UBA2: variants seen among roughly 807,000 people sequenced by gnomAD.
UBA2 encodes the protein SUMO-activating enzyme subunit 2.
Under a neutral mutation model 77.2 loss-of-function variants are expected in UBA2, and 11 were observed. That is an observed-to-expected ratio of 0.14 (90% CI 0.09 to 0.24). The LOEUF (loss-of-function observed/expected upper bound fraction) is 0.24, where lower values mean the gene tolerates loss of function less well. Among genes scored for constraint, UBA2 ranks in the 10% least tolerant of loss-of-function variants. The pLI is 1.00. For synonymous variants in UBA2, 278 were observed against 276.7 expected (o/e 1.00, Z -0.05); for missense variants, 487 against 781.7 (o/e 0.62, Z 4.50).
intron 12 of UBA2, among the ~76,000 whole-genome samples, chr19:34,458,558 C>CAAAAAAAAAA (rs60349858): frequency 1.6e-5 from 1 of 60,616 alleles, no homozygotes; most frequent in African/African-American, 7.8e-5. Flanking sequence ...GACTCCGTCT[C>CAAAAAAAAAA]AAAAAAAAAA....
At position 34,460,484 on chromosome 19, in the gene UBA2, A is replaced by G. The variant is rs1399405337; in HGVS notation, c.1416A>G (p.Lys472=). 4 of 1,587,882 alleles carry G rather than the reference A, an allele frequency of 2.5e-6. No individual in the cohort carries two copies. The African/African-American group carries it at 5.5e-5, about 22-fold the overall frequency. ...TTTTTTTGTAGATAGTGAAAGAAAA[A>G]TTTGCTATGGTAGCACCAGATGTCC... ...LTLQDKIVKE[K]FAMVAPDVQI... is the part of the protein sequence containing the mutation. The change falls in exon 14 of 17, where the codon AAA becomes AAG. Residue 472 remains lysine, a synonymous_variant. Coordinates refer to ENST00000246548, the MANE Select transcript of UBA2 (RefSeq NM_005499.3).
chr19:34,450,119 T>C, intron 8 of UBA2, 146 bp from the exon 9 acceptor site: 1 of 548,386 alleles, frequency 1.8e-6, no homozygotes, highest in South Asian at 2.1e-5. Flanking sequence ...CAAATGTTTT[T>C]CCTTTTGAAA....
intron 15 of UBA2, among the ~76,000 whole-genome samples, chr19:34,466,062 G>A (rs907969201): frequency 1.3e-5 from 2 of 152,078 alleles, no homozygotes; most frequent in Admixed American, 1.3e-4. Flanking sequence ...TAGGCCAGGC[G>A]TGACGGCTCA....
intron 12 of UBA2, among the ~76,000 whole-genome samples, chr19:34,456,668 C>T (rs999325301): frequency 2.0e-5 from 3 of 151,960 alleles, no homozygotes; most frequent in African/African-American, 7.3e-5. Flanking sequence ...AGTGATTCTC[C>T]TGCCTCAGCC....
intron 12 of UBA2, among the ~76,000 whole-genome samples, chr19:34,457,499 A>G (rs1013266132): frequency 6.6e-6 from 1 of 152,054 alleles, no homozygotes; most frequent in African/African-American, 2.4e-5. Context: ...CCCTTAGCAC[A>G]CTTACCTTCC....
intron 9 of UBA2, among the ~76,000 whole-genome samples, chr19:34,451,262 GATTA>G (rs1419288088): frequency 6.6e-6 from 1 of 152,088 alleles, no homozygotes; most frequent in Non-Finnish European, 1.5e-5. Context: ...ACTGTATTAG[GATTA>G]ATTTATGCAC....
chr19:34,428,697 G>C (rs958364065), intron 1 of UBA2, 127 bp downstream of exon 1: 2 of 1,198,580 alleles, frequency 1.7e-6, no homozygotes, highest in East Asian at 6.5e-5. Context: ...CGGAGCGGGG[G>C]CAGGCTGAGA....
chr19:34,431,095 A>T (rs118115059), intron 2 of UBA2, among the ~76,000 whole-genome samples: 1 of 151,832 alleles, frequency 6.6e-6, no homozygotes, highest in Non-Finnish European at 1.5e-5. Flanking sequence ...CTGTCTCCCA[A>T]CCTGTTTGGC....
intron 6 of UBA2, among the ~76,000 whole-genome samples, chr19:34,443,413 A>G (rs2075391206): frequency 6.6e-6 from 1 of 151,270 alleles, no homozygotes; most frequent in South Asian, 2.1e-4. Flanking sequence ...TTAAACTTTT[A>G]AGTTTATAGT....
At chr19:34,440,849 C>T (rs2075360892) in intron 6 of UBA2, among the ~76,000 whole-genome samples, 1 of 150,472 alleles carries the variant, frequency 6.6e-6, no homozygotes, top group African/African-American at 2.5e-5. Context: ...TTGCTTGAAC[C>T]CGGGAGGTGG....
chr19:34,457,699 T>A (rs1407107433), intron 12 of UBA2, among the ~76,000 whole-genome samples: 1 of 152,206 alleles, frequency 6.6e-6, no homozygotes, highest in Non-Finnish European at 1.5e-5. Context: ...TCCTTTAGAA[T>A]TCATTCCTCT....
At position 34,469,926 on chromosome 19, in the gene UBA2, A is replaced by G. The variant is rs1054233925; in HGVS notation, c.*705A>G. The G allele has an allele frequency of 3.3e-5, 5 of 152,496 alleles. No individual in the cohort carries two copies. The highest frequency in any genetic ancestry group is 1.2e-4 in the African/African-American group (5 of 41,382). The allele number at this position is 152,496 out of a possible 1,614,324, so 9.4% of individuals were successfully genotyped here. On this transcript the variant is annotated 3_prime_UTR_variant, in exon 17 of 17. Coordinates refer to ENST00000246548, the MANE Select transcript of UBA2 (RefSeq NM_005499.3). ...GCACAGTTCCTGTTTCTGCTGCCTT[A>G]TATCTACTGCAGGAATGTCAAATTC...
intron 13 of UBA2, among the ~76,000 whole-genome samples, chr19:34,460,222 A>G (rs1288399079): frequency 6.6e-6 from 1 of 152,208 alleles, no homozygotes; most frequent in Non-Finnish European, 1.5e-5. Context: ...AGCAAGAGCC[A>G]GCCAGGGAGT....
At chr19:34,467,500 C>T (rs1216338485) in intron 16 of UBA2, among the ~76,000 whole-genome samples, 1 of 150,416 alleles carries the variant, frequency 6.6e-6, no homozygotes, top group Non-Finnish European at 1.5e-5. Context: ...TAAGGCCTGG[C>T]ATGGTGGCTC....
Position 34,455,749 on chromosome 19 carries a change from T to C in UBA2, c.1245+1193T>C, listed in dbSNP as rs375309736. On this transcript the variant is annotated intron_variant, in intron 12 of 16. Transcript: ENST00000246548. ...ACCTCCACCTCCCAGGATCAAGCGA[T>C]TCTCCTGTCTCAGCCTCCTCAGTAG... 8.5e-5 allele frequency among the ~76,000 whole-genome samples: 13 copies of C among 152,242 alleles called. No individual in the cohort carries two copies. The East Asian group carries it at 1.9e-3, about 23-fold the overall frequency.
intron 15 of UBA2, among the ~76,000 whole-genome samples, chr19:34,464,879 G>A (rs1436976211): frequency 6.6e-6 from 1 of 152,102 alleles, no homozygotes; most frequent in Non-Finnish European, 1.5e-5. Context: ...GGAGGTCGAG[G>A]CGGGTGGATC....
chr19:34,430,737 A>G (rs1307535560), intron 2 of UBA2, 78 bp downstream of exon 2: 2 of 1,137,360 alleles, frequency 1.8e-6, no homozygotes, highest in African/African-American at 1.5e-5. Flanking sequence ...TGCCTGTCAT[A>G]TAGGAGGGAA....
intron 5 of UBA2, among the ~76,000 whole-genome samples, chr19:34,435,884 C>G (rs2075302561): frequency 1.3e-5 from 2 of 150,152 alleles, no homozygotes; most frequent in African/African-American, 4.9e-5. Context: ...TTTTTGGGAA[C>G]CCGAAGCGAG....
chr19:34,432,561 T>G (rs371361702), intron 3 of UBA2, among the ~76,000 whole-genome samples: 5 of 58,456 alleles, frequency 8.6e-5, no homozygotes, highest in African/African-American at 1.6e-4. Flanking sequence ...CCGGATTGTG[T>G]TTTTTTTGTG....
Sources: gnomAD v4.1 joint callset for allele counts (sites outside exome capture counted in the v4.1 genomes callset) on GRCh38, gnomAD v4.1.1 for gene constraint, MANE v1.5 for transcripts, NCBI Gene and HGNC (gene_info 2026-07-23, HGNC 2026-07-21) for gene names.